PPARG: variants seen among roughly 807,000 people sequenced by gnomAD.
The protein encoded by PPARG is peroxisome proliferator activated receptor gamma, also known as peroxisome proliferator-activated receptor gamma.
PPARG carries 17 observed loss-of-function variants against 39.2 expected under a neutral mutation model. The observed-to-expected ratio is 0.43, with a 90% CI of 0.30 to 0.65. PPARG has a LOEUF of 0.65. PPARG is among the 30% of genes least tolerant of loss of function. The probability of loss-of-function intolerance (pLI) is 0.13; values close to 1 mark genes in which losing one functional copy is unlikely to be tolerated. For synonymous variants in PPARG, 223 were observed against 215.7 expected (o/e 1.03, Z -0.30); for missense variants, 406 against 585.9 (o/e 0.69, Z 3.17).
chr3:12,375,947 G>C (rs761104072), intron 2 of PPARG, among the ~76,000 whole-genome samples: 8 of 151,326 alleles, frequency 5.3e-5, no homozygotes, highest in Admixed American at 1.3e-4. Context: ...TATTTTCAAG[G>C]CTTTTTTTTT....
chr3:12,410,608 T>A (rs192517727), intron 6 of PPARG, among the ~76,000 whole-genome samples: 4 of 152,300 alleles, frequency 2.6e-5, no homozygotes, highest in Admixed American at 2.6e-4. Context: ...TTGTTTATGG[T>A]AGGTACATGT....
intron 5 of PPARG, among the ~76,000 whole-genome samples, chr3:12,401,371 C>T (rs2050464088): frequency 6.6e-6 from 1 of 152,198 alleles, no homozygotes; most frequent in African/African-American, 2.4e-5. Context: ...GAGAGGTCAG[C>T]GTGCCATGAC....
At chr3:12,351,597 G>T in intron 2 of PPARG, 1 of 1,604,770 alleles carries the variant, frequency 6.2e-7, no homozygotes, top group Admixed American at 1.7e-5. Flanking sequence ...GCTGTTATGG[G>T]TGAAACTCTG....
chr3:12,308,600 CT>C (rs1341956901), intron 1 of PPARG, among the ~76,000 whole-genome samples: 3 of 152,120 alleles, frequency 2.0e-5, no homozygotes, highest in Non-Finnish European at 4.4e-5. Flanking sequence ...AAGCATACCA[CT>C]TCCTTATTAC....
chr3:12,416,518 G>A (rs887992126), intron 6 of PPARG, among the ~76,000 whole-genome samples, 186 bp from the exon 7 acceptor site: 1 of 152,144 alleles, frequency 6.6e-6, no homozygotes, highest in Non-Finnish European at 1.5e-5. Context: ...AAATATGTTT[G>A]GTCCCAGAAG....
At chr3:12,320,293 A>G (rs1471444201) in intron 2 of PPARG, among the ~76,000 whole-genome samples, 1 of 152,196 alleles carries the variant, frequency 6.6e-6, no homozygotes, top group Non-Finnish European at 1.5e-5. Context: ...CTTACTACAA[A>G]TTAAAGCTGA....
chr3:12,416,896 G>A lies in PPARG; in HGVS notation c.922G>A (p.Asp308Asn). The change falls in exon 7 of 8, where the codon GAC becomes AAC. Residue 308 changes from aspartate to asparagine, a missense_variant. Asp to Asn is a conservative substitution (Grantham distance 23). Around this residue, in one of 2 missense-constraint regions of PPARG, gnomAD observed 275 missense variants for 458.0 expected, o/e 0.60. Coordinates refer to ENST00000651735, the MANE Select transcript of PPARG (RefSeq NM_138711.6). ...AAGCATTCCTGGTTTTGTAAATCTT[G>A]ACTTGAACGACCAAGTAACTCTCCT... ...AKSIPGFVNLDLNDQVTLLKY... is the reference protein window; with the variant it reads ...AKSIPGFVNLNLNDQVTLLKY... 1 of 1,614,088 alleles carries A rather than the reference G, an allele frequency of 6.2e-7. No homozygotes were observed. The highest frequency in any genetic ancestry group is 1.7e-5 in the Admixed American group (1 of 60,000).
chr3:12,301,348 C>T (rs893459248), intron 1 of PPARG, among the ~76,000 whole-genome samples: 2 of 152,156 alleles, frequency 1.3e-5, no homozygotes, highest in Non-Finnish European at 2.9e-5. Context: ...ACTACTCATG[C>T]ATAAAATAAA....
At chr3:12,344,415 C>A (rs186165629) in intron 2 of PPARG, among the ~76,000 whole-genome samples, 1 of 151,760 alleles carries the variant, frequency 6.6e-6, no homozygotes, top group Non-Finnish European at 1.5e-5. Context: ...TAGACTGAAC[C>A]ATCTACTATT....
intron 2 of PPARG, among the ~76,000 whole-genome samples, chr3:12,367,021 G>A (rs931865411): frequency 6.6e-6 from 1 of 152,062 alleles, no homozygotes; most frequent in Non-Finnish European, 1.5e-5. Flanking sequence ...ACCCAGTCCG[G>A]TGCCTTCTGT....
At chr3:12,404,320 G>C (rs1464338123) in intron 5 of PPARG, among the ~76,000 whole-genome samples, 2 of 152,162 alleles carry the variant, frequency 1.3e-5, no homozygotes, top group African/African-American at 4.8e-5. Context: ...AACAATAGTT[G>C]TATTAGTCAG....
chr3:12,310,791 T>TAAAAAAA (rs761238501), intron 1 of PPARG, among the ~76,000 whole-genome samples: 36 of 50,350 alleles, frequency 7.1e-4, no homozygotes, highest in Admixed American at 1.1e-3. Flanking sequence ...GCCTTAAATG[T>TAAAAAAA]AAAAAAAAAA....
intron 2 of PPARG, among the ~76,000 whole-genome samples, chr3:12,338,760 G>T (rs1029583794): frequency 6.6e-6 from 1 of 152,020 alleles, no homozygotes; most frequent in Non-Finnish European, 1.5e-5. Flanking sequence ...ACTGGATCTA[G>T]TTTGAACTTC....
chr3:12,302,398 T>C (rs1182368562), intron 1 of PPARG, among the ~76,000 whole-genome samples: 1 of 152,060 alleles, frequency 6.6e-6, no homozygotes, highest in Non-Finnish European at 1.5e-5. Flanking sequence ...AGGATTTCCT[T>C]TGGAGGTGAT....
intron 2 of PPARG, among the ~76,000 whole-genome samples, chr3:12,359,539 T>C (rs2048770025): frequency 6.6e-6 from 1 of 152,138 alleles, no homozygotes; most frequent in Admixed American, 6.5e-5. Flanking sequence ...GACGTAGGCC[T>C]CAGAATTTGG....
chr3:12,416,642 A>G (rs966704924), intron 6 of PPARG, 62 bp from the exon 7 acceptor site: 3 of 1,490,154 alleles, frequency 2.0e-6, no homozygotes, highest in South Asian at 1.2e-5. Flanking sequence ...TGAACCTGGG[A>G]TGGCATTCAC....
At chr3:12,346,341 T>A (rs1172212791) in intron 2 of PPARG, among the ~76,000 whole-genome samples, 1 of 152,210 alleles carries the variant, frequency 6.6e-6, no homozygotes, top group East Asian at 1.9e-4. Flanking sequence ...AAGTATGCAA[T>A]ATGGAGAATT....
chr3:12,414,614 C>A (rs912378182), intron 6 of PPARG, among the ~76,000 whole-genome samples: 1 of 151,996 alleles, frequency 6.6e-6, no homozygotes, highest in African/African-American at 2.4e-5. Flanking sequence ...TAGAACCTGA[C>A]GTTCTGGAAA....
chr3:12,359,601 T>C (rs1379522545), intron 2 of PPARG, among the ~76,000 whole-genome samples: 1 of 151,848 alleles, frequency 6.6e-6, no homozygotes, highest in Non-Finnish European at 1.5e-5. Flanking sequence ...TAAAGCAGAA[T>C]AGGCCTTATA....
Sources: gnomAD v4.1 joint callset for allele counts (sites outside exome capture counted in the v4.1 genomes callset) on GRCh38, gnomAD v4.1.1 for gene constraint, gnomAD v4.1.1 regional missense constraint, MANE v1.5 for transcripts, NCBI Gene and HGNC (gene_info 2026-07-23, HGNC 2026-07-21) for gene names.